CCDC92B: variants seen among roughly 807,000 people sequenced by gnomAD.
The protein encoded by CCDC92B is coiled-coil domain-containing 92B.
Under a neutral mutation model 5.6 loss-of-function variants are expected in CCDC92B, and 2 were observed. That is an observed-to-expected ratio of 0.36 (90% CI 0.15 to 1.12). CCDC92B has a LOEUF of 1.12. CCDC92B is among the 50% of genes most tolerant of loss of function. The pLI is 0.40. For synonymous variants in CCDC92B, 115 were observed against 122.3 expected (o/e 0.94, Z 0.39); for missense variants, 271 against 262.2 (o/e 1.03, Z -0.23).
chr17:2,731,160 G>T (rs866129372), intron 2 of CCDC92B, among the ~76,000 whole-genome samples: 1 of 152,192 alleles, frequency 6.6e-6, no homozygotes, highest in Non-Finnish European at 1.5e-5. Context: ...TGGCACTGAG[G>T]GGGTGGAGCG....
intron 3 of CCDC92B, among the ~76,000 whole-genome samples, chr17:2,727,599 G>T (rs866643304): frequency 6.6e-6 from 1 of 152,220 alleles, no homozygotes; most frequent in Non-Finnish European, 1.5e-5. Flanking sequence ...GCCAAGGTGG[G>T]CGGATCACAA....
At chr17:2,748,987 G>A (rs2071021858) in intron 1 of CCDC92B, among the ~76,000 whole-genome samples, 1 of 152,182 alleles carries the variant, frequency 6.6e-6, no homozygotes, top group African/African-American at 2.4e-5. Flanking sequence ...CGGGAATGGG[G>A]TGTATGGGGA....
At chr17:2,749,111 G>A (rs984434119) in intron 1 of CCDC92B, among the ~76,000 whole-genome samples, 1 of 152,198 alleles carries the variant, frequency 6.6e-6, no homozygotes, top group Non-Finnish European at 1.5e-5. Flanking sequence ...AGGAGGACGG[G>A]GAAGCGAGGT....
At chr17:2,734,435 G>A (rs1165870682) in intron 2 of CCDC92B, among the ~76,000 whole-genome samples, 1 of 151,850 alleles carries the variant, frequency 6.6e-6, no homozygotes, top group Non-Finnish European at 1.5e-5. Context: ...AGAGTGACTC[G>A]GAAAGGATGG....
Position 2,722,872 on chromosome 17 carries a change from G to A in CCDC92B, c.*1539C>T, listed in dbSNP as rs2070673004. 6.6e-6 allele frequency: 1 copy of A among 152,548 alleles called. No individual in the cohort carries two copies. Among genetic ancestry groups the A allele is most frequent in the Non-Finnish European group, 1.5e-5 (1 of 68,296 alleles). The allele number at this position is 152,548 out of a possible 1,614,324, so 9.4% of individuals were successfully genotyped here. On this transcript the variant is annotated 3_prime_UTR_variant, in exon 4 of 4. Transcript: ENST00000614400. ...CACAGGAGGGATGGCACGGGCTGGAGGGGTTTGTGTTTCCTTCTAGGCTGG... is the reference window on the plus strand; with the variant it reads ...CACAGGAGGGATGGCACGGGCTGGAAGGGTTTGTGTTTCCTTCTAGGCTGG...
At chr17:2,739,320 T>G (rs1378482513) in intron 1 of CCDC92B, among the ~76,000 whole-genome samples, 2 of 151,118 alleles carry the variant, frequency 1.3e-5, no homozygotes, top group Admixed American at 1.3e-4. Flanking sequence ...TGAGCTGAGA[T>G]CGCGCCATTG....
chr17:2,740,049 A>G (rs1207349101), intron 1 of CCDC92B, among the ~76,000 whole-genome samples: 1 of 152,100 alleles, frequency 6.6e-6, no homozygotes, highest in Non-Finnish European at 1.5e-5. Context: ...AGAGACCTAC[A>G]AGGTAATGTG....
intron 1 of CCDC92B, among the ~76,000 whole-genome samples, chr17:2,747,129 GA>G (rs1365876062): frequency 1.3e-5 from 2 of 152,170 alleles, no homozygotes; most frequent in African/African-American, 4.8e-5. Context: ...AGAGGAACCA[GA>G]CCCCACACTT....
At chr17:2,744,101 C>T (rs1468450859) in intron 1 of CCDC92B, among the ~76,000 whole-genome samples, 1 of 152,186 alleles carries the variant, frequency 6.6e-6, no homozygotes, top group Non-Finnish European at 1.5e-5. Flanking sequence ...TGGTCTCAAA[C>T]TCCCGACCTC....
At chr17:2,741,535 C>G (rs1335721500) in intron 1 of CCDC92B, among the ~76,000 whole-genome samples, 1 of 151,618 alleles carries the variant, frequency 6.6e-6, no homozygotes, top group Non-Finnish European at 1.5e-5. Context: ...AAAAACTACC[C>G]AGGCGTTGAG....
intron 3 of CCDC92B, among the ~76,000 whole-genome samples, chr17:2,727,381 C>A (rs1394726066): frequency 6.6e-6 from 1 of 152,176 alleles, no homozygotes; most frequent in Non-Finnish European, 1.5e-5. Context: ...CGGTGGTTCT[C>A]ACGTGCAGCG....
At chr17:2,748,630 G>A in intron 1 of CCDC92B, 3 of 980,958 alleles carry the variant, frequency 3.1e-6, no homozygotes, top group Non-Finnish European at 3.6e-6. Context: ...CAAGGAACAG[G>A]CCCACAATGA....
At chr17:2,737,307 A>T (rs2070868010) in intron 1 of CCDC92B, among the ~76,000 whole-genome samples, 1 of 152,024 alleles carries the variant, frequency 6.6e-6, no homozygotes, top group Non-Finnish European at 1.5e-5. Context: ...TCCCTTCCAG[A>T]CTAGCTTACA....
In CCDC92B at chr17:2,740,412, A is replaced by G. The variant is rs562936178; in HGVS notation, c.-23-5244T>C. Reference sequence around the variant, plus strand: ...CACGGTGGTTTATGCCTGTAATCTCAGCACTTTGGGAGGCTGAGGCAGGCT... The same window carrying G: ...CACGGTGGTTTATGCCTGTAATCTCGGCACTTTGGGAGGCTGAGGCAGGCT... On this transcript the variant is annotated intron_variant, in intron 1 of 3. Transcript: ENST00000614400. Among the ~76,000 whole-genome samples, 548 of 152,208 alleles carry G rather than the reference A, an allele frequency of 3.6e-3. 5 individuals are homozygous for G. The highest frequency in any genetic ancestry group is 6.1e-3 in the Non-Finnish European group (417 of 68,028).
In CCDC92B at chr17:2,735,253, C is replaced by T. The variant is rs944522249; in HGVS notation, c.-23-85G>A. 1.3e-5 allele frequency: 12 copies of T among 915,358 alleles called. No homozygotes were observed. In the Admixed American group the frequency reaches 6.8e-4, roughly 52 times the overall value. 56.7% of individuals were successfully genotyped at this position (915,358 alleles called of 1,614,324 possible). On this transcript the variant is annotated intron_variant, in intron 1 of 3. Coordinates refer to ENST00000614400, the MANE Select transcript of CCDC92B (RefSeq NM_001355573.2). ...CAGCTCTTTCACTGTCTCCTCCGCT[C>T]TAGGTCCTGTTGCCACCAGGAAGAT...
intron 3 of CCDC92B, among the ~76,000 whole-genome samples, chr17:2,729,187 A>C (rs982289712): frequency 3.3e-5 from 5 of 152,030 alleles, no homozygotes; most frequent in African/African-American, 1.2e-4. Context: ...ATTCATTTTT[A>C]ATTAAATAGT....
intron 1 of CCDC92B, among the ~76,000 whole-genome samples, chr17:2,742,406 G>A (rs1431467885): frequency 1.3e-5 from 2 of 152,120 alleles, no homozygotes; most frequent in Admixed American, 1.3e-4. Flanking sequence ...AGGTGATGGT[G>A]GCCTGGATGA....
At chr17:2,743,054 A>C (rs2317225) in intron 1 of CCDC92B, among the ~76,000 whole-genome samples, 1 of 152,050 alleles carries the variant, frequency 6.6e-6, no homozygotes, top group Non-Finnish European at 1.5e-5. Flanking sequence ...CTTCTGGTGT[A>C]CCATTGCAGT....
At chr17:2,749,086 G>A (rs961197892) in intron 1 of CCDC92B, among the ~76,000 whole-genome samples, 4 of 152,220 alleles carry the variant, frequency 2.6e-5, no homozygotes, top group South Asian at 2.1e-4. Flanking sequence ...GGTTGGGGGG[G>A]GGATGTGGAG....
Sources: allele counts gnomAD v4.1 joint callset (sites outside exome capture counted in the v4.1 genomes callset), GRCh38; gene constraint gnomAD v4.1.1; transcripts MANE v1.5; gene names NCBI Gene and HGNC (gene_info 2026-07-23, HGNC 2026-07-21).